BRD9: variants seen among roughly 807,000 people sequenced by gnomAD.
BRD9 encodes bromodomain-containing protein 9.
BRD9 carries 47 observed loss-of-function variants against 68.7 expected under a neutral mutation model. The observed-to-expected ratio is 0.68, with a 90% CI of 0.54 to 0.87. BRD9 has a LOEUF of 0.87. Ranked by LOEUF, BRD9 falls within the 40% of genes least tolerant of loss-of-function variation. The pLI is 0.00. For missense variants in BRD9, 670 were observed against 748.4 expected, an observed-to-expected ratio of 0.90 and a Z score of 1.22; for synonymous variants, 313 against 293.9, an observed-to-expected ratio of 1.06 and a Z score of -0.67.
rs768038314 is a variant in BRD9 at position 891,235 on chromosome 5, G to C, written c.320C>G (p.Ala107Gly). The C allele has an allele frequency of 1.3e-6, 2 of 1,551,952 alleles. No individual in the cohort carries two copies. Among genetic ancestry groups the C allele is most frequent in the East Asian group, 2.4e-5 (1 of 40,934 alleles). The change falls in exon 3 of 16, where the codon GCT becomes GGT. Residue 107 changes from alanine to glycine, a missense_variant. Physicochemically the swap from Ala to Gly is moderately conservative, Grantham distance 60 (BLOSUM62 0). Transcript: ENST00000467963. ...EREHCDTEGE[A>G]DDFDPGKKVE... ...CTTCTTCCCAGGATCAAAGTCGTCA[G>C]CCTCTCCCTCCGTGTCACAGTGCTC...
chr5:888,502 A>G (rs1752891345), intron 5 of BRD9: 2 of 152,334 alleles, frequency 1.3e-5, no homozygotes, highest in Admixed American at 1.3e-4. Flanking sequence ...ACTAATGCCA[A>G]CTTTATCAAG....
chr5:864,193 T>TATGACTCC lies in BRD9; in HGVS notation c.*267_*274dup, dbSNP rs200432315. On this transcript the variant is annotated 3_prime_UTR_variant, in exon 16 of 16. Coordinates refer to ENST00000467963, the MANE Select transcript of BRD9 (RefSeq NM_023924.5). ...ACACGATGGCCACACGCCCTTCGTGTATGACTCCACTCCTCAGGGTTCACG... is the reference window on the plus strand; with the variant it reads ...ACACGATGGCCACACGCCCTTCGTGTATGACTCCATGACTCCACTCCTCAGGGTTCACG... 9.4e-3 allele frequency: 2,631 copies of TATGACTCC among 279,602 alleles called. 86 individuals are homozygous for TATGACTCC. The highest frequency in any genetic ancestry group is 0.055 in the African/African-American group (2,465 of 44,622). 17.3% of individuals were successfully genotyped at this position (279,602 alleles called of 1,614,324 possible). A position where few individuals can be genotyped will look rare whatever the true frequency, so the allele number is the denominator to read the frequency against.
chr5:889,288 G>T, intron 4 of BRD9, 123 bp from the exon 5 acceptor site: 1 of 1,117,872 alleles, frequency 8.9e-7, no homozygotes, highest in Non-Finnish European at 1.3e-6. Context: ...AAAGTTACGA[G>T]CGTCTTTTAA....
intron 7 of BRD9, among the ~76,000 whole-genome samples, 188 bp from the exon 8 acceptor site, chr5:884,258 CT>C (rs767409959): frequency 2.0e-5 from 3 of 152,236 alleles, no homozygotes; most frequent in African/African-American, 4.8e-5. Context: ...AATTAAGACA[CT>C]TTTATTAAAA....
At chr5:872,516 G>C (rs1032965909) in intron 12 of BRD9, among the ~76,000 whole-genome samples, 4 of 152,188 alleles carry the variant, frequency 2.6e-5, no homozygotes, top group Admixed American at 1.3e-4. Context: ...GCTGTGTTGG[G>C]GGGGCCAGCT....
chr5:874,560 A>T (rs1012192875), intron 12 of BRD9, among the ~76,000 whole-genome samples: 3 of 152,230 alleles, frequency 2.0e-5, no homozygotes, highest in Non-Finnish European at 4.4e-5. Context: ...CCACAGCTCC[A>T]AGTGCAGCAA....
intron 7 of BRD9, among the ~76,000 whole-genome samples, chr5:885,792 T>G (rs73733968): frequency 0.037 from 5,704 of 152,274 alleles, 328 homozygotes; most frequent in African/African-American, 0.13. Flanking sequence ...GCAGGCTATG[T>G]TAAGTGCTCT....
At chr5:870,002 C>T (rs1347685307) in intron 14 of BRD9, among the ~76,000 whole-genome samples, 3 of 152,258 alleles carry the variant, frequency 2.0e-5, no homozygotes, top group Non-Finnish European at 4.4e-5. Context: ...TCTGTCCACA[C>T]ACTAGGCTGA....
intron 2 of BRD9, 157 bp from the exon 3 acceptor site, chr5:891,444 G>A (rs905268799): frequency 6.8e-6 from 9 of 1,315,060 alleles, no homozygotes; most frequent in Admixed American, 2.8e-5. Context: ...AGAGACCCTG[G>A]CAGGGTCTGC....
At position 871,581 on chromosome 5, in the gene BRD9, G is replaced by C; in HGVS notation, c.1384-17C>G. Reference sequence around the variant, plus strand: ...ATTTCTTCTCTGAAAAGTAAATGAGGACAGAAACTAGTTTTTCCAGAGTGA... The same window carrying C: ...ATTTCTTCTCTGAAAAGTAAATGAGCACAGAAACTAGTTTTTCCAGAGTGA... On this transcript the variant is annotated splice_polypyrimidine_tract_variant and intron_variant, in intron 12 of 15. Transcript: ENST00000467963. 6.2e-7 allele frequency: 1 copy of C among 1,612,224 alleles called. No individual in the cohort carries two copies. Among genetic ancestry groups the C allele is most frequent in the Non-Finnish European group, 8.5e-7 (1 of 1,178,230 alleles).
At chr5:877,366 T>A (rs1751108695) in intron 11 of BRD9, among the ~76,000 whole-genome samples, 1 of 152,260 alleles carries the variant, frequency 6.6e-6, no homozygotes, top group South Asian at 2.1e-4. Flanking sequence ...AATTTCCTCT[T>A]CATTTTCCAC....
intron 12 of BRD9, among the ~76,000 whole-genome samples, chr5:873,001 CT>C (rs1750374384): frequency 1.3e-5 from 2 of 152,070 alleles, no homozygotes; most frequent in Non-Finnish European, 2.9e-5. Flanking sequence ...TCCGCCTCTA[CT>C]AAAAATACAA....
At chr5:884,331 T>A (rs934011512) in intron 7 of BRD9, among the ~76,000 whole-genome samples, 8 of 152,196 alleles carry the variant, frequency 5.3e-5, no homozygotes. Flanking sequence ...GCAAACTCAG[T>A]TAAAGTGCTT....
chr5:886,599 C>G lies in BRD9; in HGVS notation c.826G>C (p.Val276Leu). Reference sequence around the variant, plus strand: ...TTTCCACAGAACCTTTACCTGATAACTTCTCTACTCGGCTTTTTGGATTTC... The same window carrying G: ...TTTCCACAGAACCTTTACCTGATAAGTTCTCTACTCGGCTTTTTGGATTTC... ...AKKSKKPSRE[V>L]ISCMFEPEGN... Residue 276 changes from valine to leucine, a missense_variant, in exon 7 of 16, where the codon GTT becomes CTT. Around this residue, in one of 5 missense-constraint regions of BRD9, gnomAD observed 135 missense variants for 141.2 expected, o/e 0.96. Transcript: ENST00000467963. The G allele has an allele frequency of 1.2e-6, 2 of 1,613,738 alleles. No homozygotes were observed. Among genetic ancestry groups the G allele is most frequent in the Non-Finnish European group, 1.7e-6 (2 of 1,179,778 alleles).
intron 7 of BRD9, among the ~76,000 whole-genome samples, 182 bp downstream of exon 7, chr5:886,410 G>A (rs895820723): frequency 5.4e-4 from 82 of 152,320 alleles, no homozygotes; most frequent in African/African-American, 1.8e-3. Flanking sequence ...GAGAGTGCAC[G>A]TGGCCGGTGG....
At chr5:871,630 T>C in intron 12 of BRD9, 66 bp from the exon 13 acceptor site, 1 of 1,445,942 alleles carries the variant, frequency 6.9e-7, no homozygotes, top group Non-Finnish European at 9.7e-7. Context: ...GACAATTCGC[T>C]GACATTACAC....
rs199826285 is a variant in BRD9, at chr5:878,376, G to C, written c.1250C>G (p.Thr417Arg). The C allele has an allele frequency of 2.2e-5, 35 of 1,614,036 alleles. No individual in the cohort carries two copies. Among genetic ancestry groups the C allele is most frequent in the Non-Finnish European group, 2.8e-5 (33 of 1,180,052 alleles). Reference protein sequence around the residue: ...ELLYSAYGDETGVQCALSLQE... With the variant: ...ELLYSAYGDERGVQCALSLQE... ...TTGCCTCAGCGCACACTGCACGCCTGTCTCATCTCCGTAGGCTGAGTAGAG... is the reference window on the plus strand; with the variant it reads ...TTGCCTCAGCGCACACTGCACGCCTCTCTCATCTCCGTAGGCTGAGTAGAG... The change falls in exon 11 of 16, where the codon ACA becomes AGA. Residue 417 changes from threonine to arginine, a missense_variant. Transcript: ENST00000467963.
Position 889,663 on chromosome 5 carries a change from A to G in BRD9, c.401-16T>C, listed in dbSNP as rs1409512267. 1 of 1,611,720 alleles carries G rather than the reference A, an allele frequency of 6.2e-7. No individual in the cohort carries two copies. ...TCATTTTCGGCTGACAATTTAAGGA[A>G]AAAAAAATTGAATACAAGACTTTGG... On this transcript the variant is annotated splice_polypyrimidine_tract_variant and intron_variant, in intron 3 of 15. Coordinates refer to ENST00000467963, the MANE Select transcript of BRD9 (RefSeq NM_023924.5).
At chr5:867,545 G>A (rs760965767) in intron 14 of BRD9, among the ~76,000 whole-genome samples, 3 of 152,274 alleles carry the variant, frequency 2.0e-5, no homozygotes, top group Non-Finnish European at 2.9e-5. Flanking sequence ...AGAGCCACAA[G>A]GGCGGGGCTG....
Sources: allele counts gnomAD v4.1 joint callset (sites outside exome capture counted in the v4.1 genomes callset), GRCh38; gene constraint gnomAD v4.1.1; regional missense constraint gnomAD v4.1.1; transcripts MANE v1.5; gene names NCBI Gene and HGNC (gene_info 2026-07-23, HGNC 2026-07-21).